The following FAM117B variants were observed in gnomAD, a reference collection of about 807,000 sequenced individuals.
The protein encoded by FAM117B is protein FAM117B.
FAM117B carries 22 observed loss-of-function variants against 52.8 expected under a neutral mutation model. That is an observed-to-expected ratio of 0.42 (90% CI 0.30 to 0.59). FAM117B has a LOEUF of 0.59. Among genes scored for constraint, FAM117B ranks in the 20% least tolerant of loss-of-function variants. The pLI is 0.22. For missense variants in FAM117B, 678 were observed against 802.6 expected (o/e 0.84, Z 1.88); for synonymous variants, 309 against 324.1 (o/e 0.95, Z 0.50).
intron 1 of FAM117B, 49 bp downstream of exon 1, chr2:202,635,837 G>T (rs1325552461): frequency 1.5e-6 from 2 of 1,360,256 alleles, no homozygotes; most frequent in East Asian, 6.3e-5. Context: ...GCGGGAAGGG[G>T]TCCCGGGCGC....
At chr2:202,654,807 TA>T (rs1690027464) in intron 1 of FAM117B, among the ~76,000 whole-genome samples, 1 of 152,070 alleles carries the variant, frequency 6.6e-6, no homozygotes, top group Non-Finnish European at 1.5e-5. Context: ...TTGTTATAAA[TA>T]AGATTGAATA....
intron 6 of FAM117B, among the ~76,000 whole-genome samples, chr2:202,758,360 G>A (rs986057029): frequency 6.6e-6 from 1 of 152,202 alleles, no homozygotes; most frequent in Admixed American, 6.5e-5. Context: ...ACACGGGTCA[G>A]ATAAAATCTG....
At chr2:202,720,045 AAT>A (rs1460814867) in intron 2 of FAM117B, among the ~76,000 whole-genome samples, 1 of 152,174 alleles carries the variant, frequency 6.6e-6, no homozygotes, top group Non-Finnish European at 1.5e-5. Context: ...CTTTGTAACT[AAT>A]AGTAATTTGT....
At chr2:202,699,656 C>T (rs1690768373) in intron 2 of FAM117B, among the ~76,000 whole-genome samples, 1 of 151,984 alleles carries the variant, frequency 6.6e-6, no homozygotes, top group Non-Finnish European at 1.5e-5. Flanking sequence ...TTGGGTTTCC[C>T]TAAGTGTATG....
rs928377093 is a variant in FAM117B, at chr2:202,769,592, C to G, written c.*3828C>G. 1 of 152,394 alleles carries G rather than the reference C, an allele frequency of 6.6e-6. No homozygotes were observed. 9.4% of individuals were successfully genotyped at this position (152,394 alleles called of 1,614,324 possible). The stretch of plus-strand genomic sequence containing the variant: ...AAGCTGTGTAACTCTTTTTAAAATG[C>G]AATTTAAAACATTTTGTTATTCTAA... On this transcript the variant is annotated 3_prime_UTR_variant, in exon 8 of 8. Coordinates refer to ENST00000392238, the MANE Select transcript of FAM117B (RefSeq NM_173511.4).
intron 2 of FAM117B, among the ~76,000 whole-genome samples, chr2:202,713,420 C>G (rs1014034524): frequency 3.9e-5 from 6 of 151,988 alleles, no homozygotes; most frequent in Non-Finnish European, 8.8e-5. Flanking sequence ...CTCTCTTTTT[C>G]TCTTAGTCTG....
intron 1 of FAM117B, among the ~76,000 whole-genome samples, chr2:202,689,786 T>A (rs1690593447): frequency 6.6e-6 from 1 of 151,914 alleles, no homozygotes; most frequent in African/African-American, 2.4e-5. Context: ...GGTGTAGTGG[T>A]GCGTGCCTGT....
At chr2:202,738,022 T>C (rs2105791988) in intron 4 of FAM117B, among the ~76,000 whole-genome samples, 2 of 152,366 alleles carry the variant, frequency 1.3e-5, no homozygotes, top group Middle Eastern at 6.8e-3. Flanking sequence ...ATTACCCTAA[T>C]GAACATCTTT....
chr2:202,650,640 G>C (rs1574541214), intron 1 of FAM117B, among the ~76,000 whole-genome samples: 1 of 152,170 alleles, frequency 6.6e-6, no homozygotes, highest in Non-Finnish European at 1.5e-5. Flanking sequence ...CTTAAAAGTA[G>C]GGAAGCCGAC....
At chr2:202,641,795 C>A (rs1165941876) in intron 1 of FAM117B, among the ~76,000 whole-genome samples, 3 of 151,138 alleles carry the variant, frequency 2.0e-5, no homozygotes, top group African/African-American at 7.3e-5. Context: ...CCTGCCACCA[C>A]GCCCAGCTAA....
intron 2 of FAM117B, among the ~76,000 whole-genome samples, chr2:202,700,685 ATTTTTT>A (rs747907499): frequency 2.9e-5 from 4 of 138,124 alleles, no homozygotes; most frequent in African/African-American, 1.1e-4. Context: ...CTAAACAAGA[ATTTTTT>A]TTTTTTTTTT....
chr2:202,647,132 G>C (rs1455844507), intron 1 of FAM117B, among the ~76,000 whole-genome samples: 3 of 151,756 alleles, frequency 2.0e-5, no homozygotes. Flanking sequence ...TTTTCTAAAG[G>C]TATATTTAAT....
At chr2:202,661,057 G>A (rs541444396) in intron 1 of FAM117B, among the ~76,000 whole-genome samples, 170 of 152,350 alleles carry the variant, frequency 1.1e-3, no homozygotes, top group African/African-American at 3.9e-3. Context: ...GCAGTTCTAA[G>A]ATTTGGGATG....
At chr2:202,739,191 A>AC (rs1409252552) in intron 4 of FAM117B, among the ~76,000 whole-genome samples, 5 of 152,300 alleles carry the variant, frequency 3.3e-5, no homozygotes, top group Admixed American at 3.3e-4. Flanking sequence ...TCTTGTCTCA[A>AC]AACAACAACA....
chr2:202,725,477 G>A (rs908321255), intron 3 of FAM117B, among the ~76,000 whole-genome samples: 1 of 151,792 alleles, frequency 6.6e-6, no homozygotes, highest in Non-Finnish European at 1.5e-5. Flanking sequence ...TGCCATCATG[G>A]CCAGCTAATT....
At chr2:202,673,440 T>TTTC in intron 1 of FAM117B, among the ~76,000 whole-genome samples, 2 of 113,202 alleles carry the variant, frequency 1.8e-5, no homozygotes, top group Non-Finnish European at 3.6e-5. Flanking sequence ...TCTGTTTTTT[T>TTTC]TTTTTTTTTT....
intron 1 of FAM117B, among the ~76,000 whole-genome samples, chr2:202,677,507 T>C (rs1432409294): frequency 6.6e-6 from 1 of 152,218 alleles, no homozygotes; most frequent in African/African-American, 2.4e-5. Context: ...TACTGTGTTA[T>C]ATATACTTAA....
At chr2:202,674,242 C>T (rs1160981131) in intron 1 of FAM117B, among the ~76,000 whole-genome samples, 2 of 152,200 alleles carry the variant, frequency 1.3e-5, no homozygotes, top group African/African-American at 4.8e-5. Flanking sequence ...CTATATCAAA[C>T]TCAGTGGGTT....
chr2:202,666,202 G>T (rs1371388646), intron 1 of FAM117B, among the ~76,000 whole-genome samples: 1 of 152,058 alleles, frequency 6.6e-6, no homozygotes, highest in East Asian at 1.9e-4. Flanking sequence ...GTCAAAAGCA[G>T]ATTGGGTCTT....
Sources: allele counts gnomAD v4.1 joint callset (sites outside exome capture counted in the v4.1 genomes callset), GRCh38; gene constraint gnomAD v4.1.1; transcripts MANE v1.5; gene names NCBI Gene and HGNC (gene_info 2026-07-23, HGNC 2026-07-21).